Variants in CD22 observed in about 807,000 individuals in gnomAD.
CD22 encodes B-cell receptor CD22.
A neutral mutation model predicts 94.7 loss-of-function variants in CD22; 51 were observed. The observed-to-expected ratio is 0.54, with a 90% confidence interval of 0.43 to 0.68. The LOEUF is 0.68. Ranked by LOEUF, CD22 falls within the 30% of genes least tolerant of loss-of-function variation. CD22 has a pLI of 0.00. For missense variants in CD22, 931 were observed against 1,060.4 expected (o/e 0.88, Z 1.69); for synonymous variants, 424 against 422.5 (o/e 1.00, Z -0.04).
intron 1 of CD22, 100 bp from the exon 2 acceptor site, chr19:35,331,919 G>C (rs752724814): frequency 6.3e-7 from 1 of 1,593,440 alleles, no homozygotes. Flanking sequence ...CGGTCCTCCC[G>C]GATCCAGGGG....
intron 5 of CD22, 31 bp from the exon 6 acceptor site, chr19:35,338,137 C>A: frequency 1.1e-5 from 17 of 1,589,936 alleles, no homozygotes; most frequent in Non-Finnish European, 1.5e-5. Flanking sequence ...GCTCTCCTCA[C>A]CCCTCCACTC....
At chr19:35,342,045 CCTTCCTTCCTTTCTTT>C in intron 9 of CD22, 80 bp downstream of exon 9, 1 of 964,082 alleles carries the variant, frequency 1.0e-6, no homozygotes, top group Non-Finnish European at 1.4e-6. Flanking sequence ...TTCCTTCCTT[CCTTCCTTCCTTTCTTT>C]CTCTCTTTCT....
intron 10 of CD22, 41 bp downstream of exon 10, chr19:35,344,966 G>A: frequency 6.3e-7 from 1 of 1,595,108 alleles, no homozygotes; most frequent in Non-Finnish European, 8.6e-7. Flanking sequence ...CTATCCCTTG[G>A]CAGAGGCCCG....
Position 35,336,310 on chromosome 19 carries a change from C to T in CD22, c.687C>T (p.Leu229=). ...CQLQDADGKF[L]SNDTVQLNVK... ...TTCAGGATGCAGATGGGAAGTTCCTCTCCAATGACACGGTGCAGCTGAACG... is the reference window on the plus strand; with the variant it reads ...TTCAGGATGCAGATGGGAAGTTCCTTTCCAATGACACGGTGCAGCTGAACG... The change falls in exon 4 of 14, where the codon CTC becomes CTT. Residue 229 remains leucine (L), a synonymous_variant. Coordinates refer to ENST00000085219, the MANE Select transcript of CD22 (RefSeq NM_001771.4). The T allele has an allele frequency of 6.2e-7, 1 of 1,614,196 alleles. No homozygotes were observed. The highest frequency in any genetic ancestry group is 8.5e-7 in the Non-Finnish European group (1 of 1,180,028).
Position 35,345,595 on chromosome 19 carries a change from C to G in CD22, c.2209-7C>G. The stretch of plus-strand genomic sequence containing the variant: ...TGGTTAGCACTTCATCCTCGTCTCC[C>G]TCCCAGGTTAGAAGGGCCCCCCTCT... On this transcript the variant is annotated splice_polypyrimidine_tract_variant and splice_region_variant and intron_variant, in intron 11 of 13. Transcript: ENST00000085219. 1 of 1,566,402 alleles carries G rather than the reference C, an allele frequency of 6.4e-7. No individual in the cohort carries two copies. The highest frequency in any genetic ancestry group is 8.8e-7 in the Non-Finnish European group (1 of 1,137,330).
At chr19:35,344,574 G>A (rs1200564198) in intron 9 of CD22, among the ~76,000 whole-genome samples, 7 of 152,346 alleles carry the variant, frequency 4.6e-5, no homozygotes, top group Non-Finnish European at 7.3e-5. Context: ...CCATTTATGC[G>A]GGTGCGGGTC....
At position 35,346,185 on chromosome 19, in the gene CD22, C is replaced by G; in HGVS notation, c.2362C>G (p.Pro788Ala). The change falls in exon 13 of 14, where the codon CCG becomes GCG. Residue 788 changes from proline to alanine, a missense_variant. By Grantham distance (27) the Pro-to-Ala change is conservative (BLOSUM62 -1). Coordinates refer to ENST00000085219, the MANE Select transcript of CD22 (RefSeq NM_001771.4). ...GTCCTCAGAGATGCAGAGACCTCCC[C>G]CGGACTGCGATGACACGGTCACTTA... ...AESSEMQRPP[P>A]DCDDTVTYSA... 1 of 1,614,058 alleles carries G rather than the reference C, an allele frequency of 6.2e-7. No homozygotes were observed. Among genetic ancestry groups the G allele is most frequent in the Non-Finnish European group, 8.5e-7 (1 of 1,179,984 alleles).
At chr19:35,339,853 C>CA (rs371029885) in intron 6 of CD22, among the ~76,000 whole-genome samples, 5 of 148,780 alleles carry the variant, frequency 3.4e-5, no homozygotes, top group African/African-American at 4.9e-5. Context: ...ATTCTGTCTC[C>CA]AAAAAAAAAG....
rs752289625 is a variant in CD22, at chr19:35,341,347, C to A, written c.1512C>A (p.Ala504=). 1.9e-6 allele frequency: 3 copies of A among 1,612,922 alleles called. No individual in the cohort carries two copies. Among genetic ancestry groups the A allele is most frequent in the Admixed American group, 1.7e-5 (1 of 59,940 alleles). Residue 504 remains alanine (A), a synonymous_variant, in exon 8 of 14, where the codon GCC becomes GCA. Transcript: ENST00000085219. This position sits in a 1 kb window ranked among gnomAD's most constrained non-coding sequence, Gnocchi z 4.0. ...CTTGGGACCCTTGCCCTCCAGATGC[C>A]CCCCGAGACGTGAGGGTCCGGAAAA... The part of the protein sequence containing the change: ...ASPVALNVQY[A]PRDVRVRKIK...
Position 35,333,873 on chromosome 19 carries a change from C to T in CD22, c.412+949C>T, listed in dbSNP as rs574777046. Among the ~76,000 whole-genome samples the T allele has an allele frequency of 6.6e-5, 10 of 152,184 alleles. 1 individual carries two copies. The highest frequency in any genetic ancestry group is 1.0e-4 in the Non-Finnish European group (7 of 68,010). ...CCTGATCTTCTGATTTTTCAAGAGA[C>T]GATGGAAATCTAGATTTTCCAGTGA... On this transcript the variant is annotated intron_variant, in intron 3 of 13. Coordinates refer to ENST00000085219, the MANE Select transcript of CD22 (RefSeq NM_001771.4).
chr19:35,346,329 GGGTAGGCATCCGT>G, intron 13 of CD22, 94 bp downstream of exon 13: 2 of 1,210,564 alleles, frequency 1.7e-6, no homozygotes, highest in Non-Finnish European at 2.5e-6. Context: ...GGAAGGAGTT[GGGTAGGCATCCGT>G]GGTGGCAGAG....
At chr19:35,345,420 CAAAAAAAAAAAAAA>C in intron 11 of CD22, 168 bp from the exon 12 acceptor site, 3 of 152,948 alleles carry the variant, frequency 2.0e-5, no homozygotes, top group Non-Finnish European at 3.3e-5. Context: ...GACTCTGCCT[CAAAAAAAAAAAAAA>C]AAAAAAAAAA....
At chr19:35,345,298 G>GT (rs2066886689) in intron 11 of CD22, 172 bp downstream of exon 11, 6 of 614,010 alleles carry the variant, frequency 9.8e-6, no homozygotes, top group Non-Finnish European at 1.7e-5. Flanking sequence ...GTCCATGCCT[G>GT]TAATTCCAGC....
In CD22 at chr19:35,346,729, G is replaced by A; in HGVS notation, c.*32G>A. On this transcript the variant is annotated 3_prime_UTR_variant, in exon 14 of 14. Coordinates refer to ENST00000085219, the MANE Select transcript of CD22 (RefSeq NM_001771.4). Reference sequence around the variant, plus strand: ...ATGGGCTGCAGCAGAGGCACTGGGGGCAGCGGGGGCCAGGGAAGTCCCCGA... The same window carrying A: ...ATGGGCTGCAGCAGAGGCACTGGGGACAGCGGGGGCCAGGGAAGTCCCCGA... The A allele has an allele frequency of 1.3e-6, 2 of 1,571,542 alleles. No individual in the cohort carries two copies. The highest frequency in any genetic ancestry group is 1.7e-6 in the Non-Finnish European group (2 of 1,157,040).
At chr19:35,338,083 G>A (rs2066751137) in intron 5 of CD22, 62 bp downstream of exon 5, 3 of 1,574,770 alleles carry the variant, frequency 1.9e-6, no homozygotes, top group South Asian at 1.2e-5. Context: ...ACCCGGAGAG[G>A]GGAGCCACGG....
Position 35,341,738 on chromosome 19 carries a change from G to A in CD22, c.1808G>A (p.Gly603Glu). The A allele has an allele frequency of 6.2e-7, 1 of 1,611,240 alleles. No homozygotes were observed. Among genetic ancestry groups the A allele is most frequent in the Non-Finnish European group, 8.5e-7 (1 of 1,179,998 alleles). Residue 603 changes from glycine (G) to glutamate (E), a missense_variant, in exon 9 of 14, where the codon GGG becomes GAG. Physicochemically the swap from Gly to Glu is moderately conservative, Grantham distance 98 (BLOSUM62 -2). Transcript: ENST00000085219. The surrounding 1 kb of genome is among the most constrained non-coding windows in gnomAD (Gnocchi z 4.0). ...PRRLRVSMSPGDQVMEGKSAT... is the reference protein window; with the variant it reads ...PRRLRVSMSPEDQVMEGKSAT... Reference sequence around the variant, plus strand: ...AGGCTGCGTGTGTCCATGAGCCCGGGGGACCAAGTGATGGAGGGGAAGAGT... The same window carrying A: ...AGGCTGCGTGTGTCCATGAGCCCGGAGGACCAAGTGATGGAGGGGAAGAGT...
chr19:35,332,105 G>A, intron 2 of CD22, 31 bp downstream of exon 2: 6 of 1,613,882 alleles, frequency 3.7e-6, no homozygotes, highest in Non-Finnish European at 5.1e-6. Context: ...TAGTACTGGG[G>A]TTCTGGGATG....
In CD22 at chr19:35,345,705, A is replaced by G; in HGVS notation, c.2312A>G (p.Asn771Ser). 1 of 1,610,172 alleles carries G rather than the reference A, an allele frequency of 6.2e-7. No individual in the cohort carries two copies. The highest frequency in any genetic ancestry group is 8.5e-7 in the Non-Finnish European group (1 of 1,176,422). ...ACCACCCTGCGCTTTCCCGAGATGA[A>G]CATACCACGAACTGGGTACTGAGGG... ...SYTTLRFPEM[N>S]IPRTGDAESS... Residue 771 changes from asparagine (N) to serine (S), a missense_variant, in exon 12 of 14, where the codon AAC (asparagine) becomes AGC (serine). Physicochemically the swap from Asn to Ser is conservative, Grantham distance 46. Transcript: ENST00000085219.
intron 3 of CD22, chr19:35,333,217 C>G (rs980196549): frequency 2.7e-5 from 11 of 413,134 alleles, no homozygotes; most frequent in Non-Finnish European, 3.5e-5. Flanking sequence ...GTGACAAACT[C>G]GTGTTTGGCC....
Sources: allele counts gnomAD v4.1 joint callset (sites outside exome capture counted in the v4.1 genomes callset), GRCh38; gene constraint gnomAD v4.1.1; non-coding constraint Gnocchi (gnomAD v3.1); transcripts MANE v1.5; gene names NCBI Gene and HGNC (gene_info 2026-07-23, HGNC 2026-07-21).